Variants in GOLPH3L observed in about 807,000 individuals in gnomAD.
GOLPH3L encodes golgi phosphoprotein 3 like, also known as Golgi phosphoprotein 3-like.
A neutral mutation model predicts 30.3 loss-of-function variants in GOLPH3L; 22 were observed. The ratio of observed to expected loss-of-function variants is 0.73; its 90% CI spans 0.52 to 1.04. The LOEUF (loss-of-function observed/expected upper bound fraction) is 1.04. Ranked by LOEUF, GOLPH3L falls within the 50% of genes least tolerant of loss-of-function variation. The pLI is 0.00. For missense variants in GOLPH3L, 303 were observed against 345.8 expected, an observed-to-expected ratio of 0.88 and a Z score of 0.98; for synonymous variants, 120 against 128.2, an observed-to-expected ratio of 0.94 and a Z score of 0.43.
chr1:150,687,693 T>G (rs924109799), intron 2 of GOLPH3L, among the ~76,000 whole-genome samples: 1 of 152,180 alleles, frequency 6.6e-6, no homozygotes. Context: ...TGGAGGATCA[T>G]CAGCAGCTTG....
intron 4 of GOLPH3L, among the ~76,000 whole-genome samples, chr1:150,656,132 T>C (rs1650235409): frequency 6.6e-6 from 1 of 152,172 alleles, no homozygotes; most frequent in Admixed American, 6.5e-5. Flanking sequence ...GGATGATGTA[T>C]TTGTGCTGCC....
Position 150,665,758 on chromosome 1 carries a change from T to C in GOLPH3L, c.184-1995A>G, listed in dbSNP as rs149230309. Among the ~76,000 whole-genome samples the C allele has an allele frequency of 2.3e-4, 35 of 152,304 alleles. No individual in the cohort carries two copies. The East Asian group carries it at 6.5e-3, about 28-fold the overall frequency. ...TTAGATTTACACAGGTGCTTACGAA[T>C]TTCTTTGCTCACCGTTCCTTCCTGT... On this transcript the variant is annotated intron_variant, in intron 2 of 4. Coordinates refer to ENST00000271732, the MANE Select transcript of GOLPH3L (RefSeq NM_018178.6).
chr1:150,679,944 T>TA (rs1224067390), intron 2 of GOLPH3L, among the ~76,000 whole-genome samples: 2 of 151,768 alleles, frequency 1.3e-5, no homozygotes, highest in Non-Finnish European at 2.9e-5. Flanking sequence ...GTCTCTATTT[T>TA]AAAAAAAGAA....
intron 4 of GOLPH3L, among the ~76,000 whole-genome samples, chr1:150,649,677 G>A (rs902917375): frequency 6.6e-5 from 10 of 152,154 alleles, no homozygotes; most frequent in African/African-American, 2.4e-4. Context: ...AGCAGGACGT[G>A]GGGCTTGACT....
At chr1:150,654,652 T>G (rs1460125240) in intron 4 of GOLPH3L, among the ~76,000 whole-genome samples, 1 of 152,224 alleles carries the variant, frequency 6.6e-6, no homozygotes, top group Non-Finnish European at 1.5e-5. Flanking sequence ...CCTTTTAAAT[T>G]TGGGAAACGC....
intron 4 of GOLPH3L, among the ~76,000 whole-genome samples, chr1:150,658,863 T>C (rs587628696): frequency 8.5e-4 from 129 of 152,332 alleles, no homozygotes; most frequent in African/African-American, 3.0e-3. Context: ...AAACTATTAA[T>C]GGCTCTTAAT....
chr1:150,688,690 G>T (rs1353856751), intron 2 of GOLPH3L, among the ~76,000 whole-genome samples: 2 of 152,194 alleles, frequency 1.3e-5, no homozygotes, highest in Non-Finnish European at 1.5e-5. Flanking sequence ...GGTGGAGGTT[G>T]CAGTGAGCCA....
At chr1:150,652,380 CAAAAAAAAAAAAAA>C (rs34446972) in intron 4 of GOLPH3L, among the ~76,000 whole-genome samples, 3 of 40,184 alleles carry the variant, frequency 7.5e-5, no homozygotes, top group Non-Finnish European at 1.1e-4. Context: ...GACTCTGTCT[CAAAAAAAAAAAAAA>C]AAAAAAAAAA....
intron 2 of GOLPH3L, among the ~76,000 whole-genome samples, chr1:150,670,782 T>C (rs1346469300): frequency 6.6e-6 from 1 of 152,228 alleles, no homozygotes; most frequent in Non-Finnish European, 1.5e-5. Context: ...GAGTGGTAAC[T>C]TTTTTCATTA....
In GOLPH3L at chr1:150,648,645, C is replaced by A. The variant is rs369006080; in HGVS notation, c.534G>T (p.Gln178His). 222 of 1,613,480 alleles carry A rather than the reference C, an allele frequency of 1.4e-4. 2 individuals are homozygous for A. In the South Asian group the frequency reaches 2.3e-3, roughly 17 times the overall value. ...TAGTCATGTCAAATAGCAGGAAATT[C>A]TGCTTCTCAGTGGTTAGAATACCTT... ...VEKGILTTEKQNFLLFDMTTH... is the reference protein window; with the variant it reads ...VEKGILTTEKHNFLLFDMTTH... Residue 178 changes from glutamine (Q) to histidine (H), a missense_variant, in exon 5 of 5, where the codon CAG becomes CAT. Physicochemically the swap from Gln to His is conservative, Grantham distance 24. Transcript: ENST00000271732.
intron 2 of GOLPH3L, among the ~76,000 whole-genome samples, chr1:150,675,152 T>C (rs944853113): frequency 6.6e-6 from 1 of 152,094 alleles, no homozygotes; most frequent in African/African-American, 2.4e-5. Flanking sequence ...GTAGCTAGGA[T>C]TACAGATGTG....
rs66627372 is a variant in GOLPH3L at position 150,693,847 on chromosome 1, ATTTTTTTTTTTT to A, written c.183+797_183+808del. On this transcript the variant is annotated intron_variant, in intron 2 of 4. Transcript: ENST00000271732. Reference sequence around the variant, plus strand: ...TATATATATATATATATATATATATATTTTTTTTTTTTTTTTTTTTTTTTTTTTTTGAGGCAG... The same window carrying A: ...TATATATATATATATATATATATATATTTTTTTTTTTTTTTTTTGAGGCAG... Among the ~76,000 whole-genome samples, 5 of 27,204 alleles carry A rather than the reference ATTTTTTTTTTTT, an allele frequency of 1.8e-4. No homozygotes were observed. The East Asian group carries it at 7.2e-3, about 39-fold the overall frequency. The allele number at this position is 27,204 out of a possible 152,430, so 17.8% of individuals were successfully genotyped here. A position where few individuals can be genotyped will look rare whatever the true frequency, so the allele number is the denominator to read the frequency against.
chr1:150,661,768 A>C, intron 4 of GOLPH3L, 46 bp downstream of exon 4: 1 of 873,460 alleles, frequency 1.1e-6, no homozygotes, highest in Non-Finnish European at 2.0e-6. Context: ...GGGTAGGATA[A>C]AGATAACAAA....
intron 3 of GOLPH3L, among the ~76,000 whole-genome samples, chr1:150,663,223 G>A (rs887496207): frequency 7.2e-5 from 11 of 151,804 alleles, no homozygotes; most frequent in Non-Finnish European, 8.8e-5. Flanking sequence ...AATATTTCTC[G>A]TAGAGATGGG....
chr1:150,680,751 TTTAA>T (rs1226940126), intron 2 of GOLPH3L, among the ~76,000 whole-genome samples: 1 of 152,232 alleles, frequency 6.6e-6, no homozygotes, highest in Non-Finnish European at 1.5e-5. Context: ...AAAATGACCA[TTTAA>T]TTAAGAGCCA....
Position 150,651,577 on chromosome 1 carries a change from A to G in GOLPH3L, c.431-2829T>C, listed in dbSNP as rs587606121. 5.6e-3 allele frequency among the ~76,000 whole-genome samples: 816 copies of G among 144,506 alleles called. 6 individuals are homozygous for G. The highest frequency in any genetic ancestry group is 0.011 in the Non-Finnish European group (708 of 66,660). The allele number at this position is 144,506 out of a possible 152,430, so 94.8% of individuals were successfully genotyped here. On this transcript the variant is annotated intron_variant, in intron 4 of 4. Coordinates refer to ENST00000271732, the MANE Select transcript of GOLPH3L (RefSeq NM_018178.6). The stretch of plus-strand genomic sequence containing the variant: ...GGCAGGAGAATCACTTGAACCCAGG[A>G]GGCGGAGGTTGCAATGAGCCAAGAT...
chr1:150,668,200 AT>A (rs944713163), intron 2 of GOLPH3L, among the ~76,000 whole-genome samples: 94 of 152,310 alleles, frequency 6.2e-4, no homozygotes, highest in African/African-American at 2.2e-3. Flanking sequence ...TGCCGCAAAA[AT>A]ATTTTTGAAA....
chr1:150,655,566 TATC>T (rs1240485401), intron 4 of GOLPH3L, among the ~76,000 whole-genome samples: 6 of 152,186 alleles, frequency 3.9e-5, no homozygotes, highest in Non-Finnish European at 8.8e-5. Flanking sequence ...AGGTTTAGGA[TATC>T]ATTTTTGATG....
chr1:150,669,147 T>G (rs1434815359), intron 2 of GOLPH3L, among the ~76,000 whole-genome samples: 1 of 151,884 alleles, frequency 6.6e-6, no homozygotes, highest in Non-Finnish European at 1.5e-5. Context: ...ATATGTAGAG[T>G]TTTAAGAAAA....
Sources: gnomAD v4.1 joint callset for allele counts (sites outside exome capture counted in the v4.1 genomes callset) on GRCh38, gnomAD v4.1.1 for gene constraint, MANE v1.5 for transcripts, NCBI Gene and HGNC (gene_info 2026-07-23, HGNC 2026-07-21) for gene names.